CNTN4: variants seen among roughly 807,000 people sequenced by gnomAD.
CNTN4 encodes contactin-4.
In CNTN4, 77 loss-of-function variants were observed where a neutral mutation model predicts 122.5. That is an observed-to-expected ratio of 0.63 (90% confidence interval 0.52 to 0.76). CNTN4 has a LOEUF of 0.76. Ranked by LOEUF, CNTN4 falls within the 30% of genes least tolerant of loss-of-function variation. CNTN4 has a pLI of 0.00. For missense variants in CNTN4, 1,256 were observed against 1,259.1 expected, an observed-to-expected ratio of 1.00 and a Z score of 0.04; for synonymous variants, 512 against 447.0, an observed-to-expected ratio of 1.15 and a Z score of -1.83.
intron 3 of CNTN4, among the ~76,000 whole-genome samples, chr3:2,418,354 G>C (rs2047493321): frequency 6.6e-6 from 1 of 152,088 alleles, no homozygotes. Context: ...TGTGAGATTA[G>C]AACAACCTCT....
At chr3:2,352,970 G>A (rs1217377517) in intron 3 of CNTN4, among the ~76,000 whole-genome samples, 1 of 152,106 alleles carries the variant, frequency 6.6e-6, no homozygotes, top group Non-Finnish European at 1.5e-5. Context: ...GTGGAGACTT[G>A]GAGAACTTTT....
At chr3:2,394,784 G>GTTTTTTTTT (rs56027529) in intron 3 of CNTN4, among the ~76,000 whole-genome samples, 2 of 108,516 alleles carry the variant, frequency 1.8e-5, no homozygotes, top group Non-Finnish European at 1.8e-5. Flanking sequence ...CCTTATATTA[G>GTTTTTTTTT]TTTTTTTTTT....
chr3:2,153,737 T>C (rs2035594354), intron 2 of CNTN4, among the ~76,000 whole-genome samples: 1 of 152,130 alleles, frequency 6.6e-6, no homozygotes, highest in Admixed American at 6.5e-5. Flanking sequence ...GTATAGAGAA[T>C]GGCGTGGGGT....
chr3:2,678,027 A>G (rs1354154336), intron 4 of CNTN4, among the ~76,000 whole-genome samples: 3 of 152,162 alleles, frequency 2.0e-5, no homozygotes, highest in Non-Finnish European at 4.4e-5. Flanking sequence ...AAAGCTTACC[A>G]GAAGTGTTTT....
intron 12 of CNTN4, among the ~76,000 whole-genome samples, chr3:2,907,751 T>G (rs554284422): frequency 1.3e-3 from 201 of 152,224 alleles, no homozygotes; most frequent in African/African-American, 4.7e-3. Context: ...ATTTAATAGG[T>G]TTTTCCCTTG....
chr3:2,794,243 A>G (rs1184854092), intron 6 of CNTN4, among the ~76,000 whole-genome samples: 3 of 152,238 alleles, frequency 2.0e-5, no homozygotes, highest in Middle Eastern at 3.2e-3. Flanking sequence ...CCGATCCATC[A>G]GTAGAAAAAG....
intron 7 of CNTN4, among the ~76,000 whole-genome samples, chr3:2,830,307 A>AG (rs1559552781): frequency 1.3e-5 from 2 of 152,234 alleles, no homozygotes; most frequent in Non-Finnish European, 2.9e-5. Context: ...AAAAAAAATT[A>AG]AAAAGATTAT....
intron 2 of CNTN4, among the ~76,000 whole-genome samples, chr3:2,191,741 TTTA>T (rs1485761910): frequency 1.4e-5 from 2 of 147,148 alleles, no homozygotes; most frequent in Non-Finnish European, 3.0e-5. Context: ...CACATATATA[TTTA>T]TTATACTTTA....
chr3:2,739,587 G>A (rs368990885), intron 5 of CNTN4, among the ~76,000 whole-genome samples: 5 of 147,928 alleles, frequency 3.4e-5, no homozygotes, highest in East Asian at 4.1e-4. Flanking sequence ...GGTTGTTCAA[G>A]GTATAGAGGA....
At chr3:2,991,352 A>C (rs1695033695) in intron 14 of CNTN4, among the ~76,000 whole-genome samples, 1 of 152,118 alleles carries the variant, frequency 6.6e-6, no homozygotes, top group African/African-American at 2.4e-5. Context: ...GGTAGAATTC[A>C]TGTGTTTCCA....
chr3:2,951,145 C>T (rs1052896163), intron 13 of CNTN4, among the ~76,000 whole-genome samples: 5 of 152,084 alleles, frequency 3.3e-5, no homozygotes, highest in East Asian at 3.9e-4. Flanking sequence ...TAATAAATAA[C>T]GAACAATGAA....
chr3:2,672,975 A>G (rs931867068), intron 4 of CNTN4, among the ~76,000 whole-genome samples: 1 of 152,208 alleles, frequency 6.6e-6, no homozygotes, highest in Non-Finnish European at 1.5e-5. Context: ...TTTGATAACT[A>G]CAATAATAGA....
Position 2,840,664 on chromosome 3 carries a change from A to C in CNTN4, c.454+21083A>C, listed in dbSNP as rs546315293. ...CAGTGAGCCAAGATCACACCACTGC[A>C]CTCCAGCCTGGGCGACAGAGCGACA... On this transcript the variant is annotated intron_variant, in intron 7 of 24. Coordinates refer to ENST00000418658, the MANE Select transcript of CNTN4 (RefSeq NM_175607.3). Among the ~76,000 whole-genome samples, 141 of 148,396 alleles carry C rather than the reference A, an allele frequency of 9.5e-4. 1 individual carries two copies. Among genetic ancestry groups the C allele is most frequent in the African/African-American group, 3.1e-3 (125 of 40,624 alleles).
chr3:2,904,764 C>G (rs1011752491), intron 12 of CNTN4, among the ~76,000 whole-genome samples: 2 of 152,186 alleles, frequency 1.3e-5, no homozygotes, highest in African/African-American at 4.8e-5. Context: ...GTTCTCTACT[C>G]TACTCTATAT....
chr3:2,965,943 T>G (rs1465311834), intron 13 of CNTN4, among the ~76,000 whole-genome samples: 1 of 152,224 alleles, frequency 6.6e-6, no homozygotes, highest in Non-Finnish European at 1.5e-5. Flanking sequence ...GGATACTCTA[T>G]AGATACATAT....
At chr3:2,152,631 A>C (rs562317791) in intron 2 of CNTN4, among the ~76,000 whole-genome samples, 11 of 152,054 alleles carry the variant, frequency 7.2e-5, no homozygotes, top group Non-Finnish European at 1.6e-4. Flanking sequence ...AAAATAGAAG[A>C]TTGAGATGGG....
intron 4 of CNTN4, among the ~76,000 whole-genome samples, chr3:2,592,051 T>A (rs6777633): frequency 0.012 from 1,833 of 152,094 alleles, 34 homozygotes; most frequent in African/African-American, 0.042. Context: ...GCTAGTTTTT[T>A]AAAATTTTTT....
At chr3:2,335,874 C>T (rs2043935080) in intron 2 of CNTN4, among the ~76,000 whole-genome samples, 1 of 152,130 alleles carries the variant, frequency 6.6e-6, no homozygotes, top group Admixed American at 6.5e-5. Flanking sequence ...TGGCGTAACC[C>T]TTAGTTTATA....
intron 2 of CNTN4, chr3:2,110,544 G>C (rs1224901228): frequency 1.3e-5 from 2 of 152,206 alleles, no homozygotes; most frequent in African/African-American, 2.4e-5. Context: ...ACCTCCATCT[G>C]CTTTCTGCTG....
Sources: allele counts gnomAD v4.1 joint callset (sites outside exome capture counted in the v4.1 genomes callset), GRCh38; gene constraint gnomAD v4.1.1; transcripts MANE v1.5; gene names NCBI Gene and HGNC (gene_info 2026-07-23, HGNC 2026-07-21).